MAML3: variants seen among roughly 807,000 people sequenced by gnomAD.
MAML3 encodes mastermind like transcriptional coactivator 3, also known as mastermind-like protein 3.
MAML3 carries 27 observed loss-of-function variants against 101.9 expected under a neutral mutation model. The observed-to-expected ratio is 0.27, with a 90% CI of 0.20 to 0.37. The LOEUF is 0.37. MAML3 is among the 10% of genes least tolerant of loss of function. MAML3 has a pLI of 1.00. For synonymous variants in MAML3, 501 were observed against 555.9 expected, an observed-to-expected ratio of 0.90 and a Z score of 1.39; for missense variants, 1,316 against 1,444.9, an observed-to-expected ratio of 0.91 and a Z score of 1.45.
At chr4:140,006,849 C>G (rs531064170) in intron 1 of MAML3, among the ~76,000 whole-genome samples, 2 of 152,050 alleles carry the variant, frequency 1.3e-5, no homozygotes, top group Non-Finnish European at 2.9e-5. Context: ...AGAGCTTACC[C>G]GCTGCCAGGC....
intron 1 of MAML3, among the ~76,000 whole-genome samples, chr4:140,043,929 T>G (rs1019829770): frequency 6.6e-6 from 1 of 152,192 alleles, no homozygotes; most frequent in Non-Finnish European, 1.5e-5. Context: ...GTAAGCAGCG[T>G]CTTTTAATGA....
At chr4:140,129,118 A>G (rs1420056318) in intron 1 of MAML3, among the ~76,000 whole-genome samples, 2 of 152,202 alleles carry the variant, frequency 1.3e-5, no homozygotes, top group African/African-American at 4.8e-5. Flanking sequence ...TTAAATGGAA[A>G]CAATAATTAG....
chr4:139,964,967 G>A (rs187381250), intron 1 of MAML3, among the ~76,000 whole-genome samples: 120 of 152,206 alleles, frequency 7.9e-4, no homozygotes, highest in African/African-American at 2.8e-3. Flanking sequence ...TGGCTTTACC[G>A]AATATAAAAT....
intron 2 of MAML3, among the ~76,000 whole-genome samples, chr4:139,781,815 C>A (rs1219030191): frequency 6.6e-6 from 1 of 152,144 alleles, no homozygotes; most frequent in African/African-American, 2.4e-5. Context: ...GAGAAAATAT[C>A]TGGCACCCTA....
intron 1 of MAML3, among the ~76,000 whole-genome samples, chr4:139,922,565 C>T (rs1013645140): frequency 1.3e-5 from 2 of 152,148 alleles, no homozygotes; most frequent in African/African-American, 4.8e-5. Flanking sequence ...ATTTCTCACC[C>T]AAGAAGCAGA....
chr4:139,725,803 G>A lies in MAML3; in HGVS notation c.2364C>T (p.His788=), dbSNP rs1374196818. The change falls in exon 4 of 5, where the codon CAC becomes CAT. Residue 788 remains histidine (H), a synonymous_variant. Coordinates refer to ENST00000509479, the MANE Select transcript of MAML3 (RefSeq NM_018717.5). ...QLQQSHLPRQ[H]LQPQRNPYPV... ...GGTATGGATTCCGCTGTGGCTGGAG[G>A]TGCTGCCGGGGTAGATGTGATTGCT... 6.2e-7 allele frequency: 1 copy of A among 1,613,838 alleles called. No individual in the cohort carries two copies. The highest frequency in any genetic ancestry group is 1.3e-5 in the African/African-American group (1 of 74,922).
intron 1 of MAML3, among the ~76,000 whole-genome samples, chr4:140,115,700 A>G (rs184622008): frequency 5.9e-5 from 9 of 152,340 alleles, no homozygotes; most frequent in African/African-American, 2.2e-4. Context: ...AAGAGCAAAA[A>G]GCAAGTGTAC....
chr4:139,829,951 C>T (rs114230457), intron 2 of MAML3, among the ~76,000 whole-genome samples: 31 of 152,090 alleles, frequency 2.0e-4, no homozygotes, highest in African/African-American at 7.0e-4. Flanking sequence ...GTTAACGTAA[C>T]GAATAATGGA....
chr4:139,801,643 G>GTGTGTGTGTGTGTGTGTGTGTGTGTGT (rs1560798508), intron 2 of MAML3, among the ~76,000 whole-genome samples: 6 of 30,742 alleles, frequency 2.0e-4, no homozygotes, highest in African/African-American at 4.3e-4. Context: ...GGTGTGTGTG[G>GTGTGTGTGTGTGTGTGTGTGTGTGTGT]GTGTGTGTGT....
chr4:139,828,286 T>A (rs911246921), intron 2 of MAML3, among the ~76,000 whole-genome samples: 3 of 152,092 alleles, frequency 2.0e-5, no homozygotes, highest in Admixed American at 2.0e-4. Context: ...AGCCTGAGCT[T>A]CTTAAAAAGC....
At chr4:139,822,413 C>A (rs781162278) in intron 2 of MAML3, among the ~76,000 whole-genome samples, 3 of 152,144 alleles carry the variant, frequency 2.0e-5, no homozygotes, top group Non-Finnish European at 4.4e-5. Context: ...TTCTGGGTAT[C>A]AGGCCTCCTG....
intron 2 of MAML3, among the ~76,000 whole-genome samples, chr4:139,815,015 T>C (rs1248470698): frequency 6.6e-6 from 1 of 152,126 alleles, no homozygotes; most frequent in African/African-American, 2.4e-5. Context: ...CTATGTAAAA[T>C]ATAATTATCT....
intron 2 of MAML3, among the ~76,000 whole-genome samples, chr4:139,841,282 A>G (rs1731356388): frequency 1.3e-5 from 2 of 152,236 alleles, no homozygotes; most frequent in Non-Finnish European, 2.9e-5. Flanking sequence ...AGAGCCACAC[A>G]TCAGCAAAAA....
At position 139,717,243 on chromosome 4, in the gene MAML3, A is replaced by AGAT. The variant is rs1302231900; in HGVS notation, c.*2077_*2079dup. 1.3e-5 allele frequency: 2 copies of AGAT among 150,906 alleles called. No individual in the cohort carries two copies. Among genetic ancestry groups the AGAT allele is most frequent in the Admixed American group, 1.3e-4 (2 of 15,128 alleles). The allele number at this position is 150,906 out of a possible 1,614,324, so 9.3% of individuals were successfully genotyped here. ...TGAGCATTTGGAGGAAGCTTTTAAAAGATAATGGAGCCCCCCACCCCTGTC... is the reference window on the plus strand; with the variant it reads ...TGAGCATTTGGAGGAAGCTTTTAAAAGATGATAATGGAGCCCCCCACCCCTGTC... On this transcript the variant is annotated 3_prime_UTR_variant, in exon 5 of 5. Coordinates refer to ENST00000509479, the MANE Select transcript of MAML3 (RefSeq NM_018717.5).
chr4:139,795,652 T>A (rs765655670), intron 2 of MAML3, among the ~76,000 whole-genome samples: 2 of 152,206 alleles, frequency 1.3e-5, no homozygotes, highest in Non-Finnish European at 2.9e-5. Flanking sequence ...ATTCTTGGCA[T>A]CAGCCTGACA....
chr4:139,790,455 T>C (rs558709325), intron 2 of MAML3, among the ~76,000 whole-genome samples: 1 of 151,892 alleles, frequency 6.6e-6, no homozygotes, highest in South Asian at 2.1e-4. Flanking sequence ...GGCATTAGTA[T>C]ATTCACGATG....
At chr4:139,739,634 A>G (rs1729083140) in intron 2 of MAML3, among the ~76,000 whole-genome samples, 1 of 151,488 alleles carries the variant, frequency 6.6e-6, no homozygotes, top group Non-Finnish European at 1.5e-5. Flanking sequence ...ATCACATAGG[A>G]AAAAGCTTAC....
intron 1 of MAML3, among the ~76,000 whole-genome samples, chr4:139,959,328 G>A (rs963947037): frequency 6.6e-6 from 1 of 152,120 alleles, no homozygotes; most frequent in African/African-American, 2.4e-5. Context: ...TTTCCTAACC[G>A]TCTTGATTCT....
intron 1 of MAML3, among the ~76,000 whole-genome samples, chr4:140,021,607 C>G (rs1726735020): frequency 6.6e-6 from 1 of 152,102 alleles, no homozygotes; most frequent in Non-Finnish European, 1.5e-5. Flanking sequence ...ATTTTTAAAA[C>G]AATGACCCAA....
Sources: allele counts gnomAD v4.1 joint callset (sites outside exome capture counted in the v4.1 genomes callset), GRCh38; gene constraint gnomAD v4.1.1; transcripts MANE v1.5; gene names NCBI Gene and HGNC (gene_info 2026-07-23, HGNC 2026-07-21).